NIPAL4: variants seen among roughly 807,000 people sequenced by gnomAD.
NIPAL4 encodes NIPA like domain containing 4.
A neutral mutation model predicts 31.6 loss-of-function variants in NIPAL4; 21 were observed. That is an observed-to-expected ratio of 0.67 (90% CI 0.47 to 0.96). The LOEUF is 0.96. NIPAL4 is among the 40% of genes least tolerant of loss of function. The pLI is 0.00. For synonymous variants in NIPAL4, 175 were observed against 211.1 expected, an observed-to-expected ratio of 0.83 and a Z score of 1.48; for missense variants, 438 against 508.0, an observed-to-expected ratio of 0.86 and a Z score of 1.32.
In NIPAL4 at chr5:157,473,263, T is replaced by TG; in HGVS notation, c.*305dup. On this transcript the variant is annotated 3_prime_UTR_variant, in exon 6 of 6. Transcript: ENST00000311946. ...CATCTCTATGCCGTTGGGAAGAAGA[T>TG]GGAGTCTGACCCACTGAATGTAGCA... 3.3e-6 allele frequency: 1 copy of TG among 306,900 alleles called. No individual in the cohort carries two copies. The allele number at this position is 306,900 out of a possible 1,614,324, so 19.0% of individuals were successfully genotyped here. A position where few individuals can be genotyped will look rare whatever the true frequency, so the allele number is the denominator to read the frequency against.
Position 157,472,397 on chromosome 5 carries a change from C to A in NIPAL4, c.652C>A (p.Arg218Ser). 2 of 1,613,096 alleles carry A rather than the reference C, an allele frequency of 1.2e-6. No homozygotes were observed. The highest frequency in any genetic ancestry group is 1.7e-6 in the Non-Finnish European group (2 of 1,179,392). ...CATCCTCATCTTTGTCATTGCCCCA[C>A]GTTACGGGCAAAGGAATATCCTCAT... ...CLILIFVIAP[R>S]YGQRNILIYI... Residue 218 changes from arginine to serine, a missense_variant, in exon 6 of 6, where the codon CGT (arginine) becomes AGT (serine). Arg to Ser is a moderately radical substitution (Grantham distance 110). Coordinates refer to ENST00000311946, the MANE Select transcript of NIPAL4 (RefSeq NM_001099287.2).
intron 3 of NIPAL4, 133 bp from the exon 4 acceptor site, chr5:157,468,589 G>A: frequency 1.5e-6 from 1 of 663,570 alleles, no homozygotes; most frequent in East Asian, 2.6e-5. Flanking sequence ...TCTCCAGGGA[G>A]AGAGCGTATG....
At chr5:157,462,475 G>A (rs1281677010) in intron 1 of NIPAL4, among the ~76,000 whole-genome samples, 2 of 151,030 alleles carry the variant, frequency 1.3e-5, no homozygotes, top group African/African-American at 4.9e-5. Flanking sequence ...AACATAGCAA[G>A]ACCCCCATCT....
At chr5:157,465,903 G>C (rs1754259551) in intron 2 of NIPAL4, among the ~76,000 whole-genome samples, 1 of 152,264 alleles carries the variant, frequency 6.6e-6, no homozygotes, top group Middle Eastern at 3.4e-3. Flanking sequence ...TGAGGTGGGA[G>C]GATCCCTTGA....
intron 2 of NIPAL4, 88 bp downstream of exon 2, chr5:157,463,421 C>T: frequency 1.4e-6 from 2 of 1,422,754 alleles, no homozygotes; most frequent in South Asian, 2.9e-5. Context: ...ATGGCCTCAG[C>T]AAGGTACAAA....
Position 157,463,107 on chromosome 5 carries a change from C to T in NIPAL4, c.51C>T (p.His17=), listed in dbSNP as rs1189585932. The T allele has an allele frequency of 5.6e-6, 9 of 1,614,004 alleles. No individual in the cohort carries two copies. Among genetic ancestry groups the T allele is most frequent in the Middle Eastern group, 1.6e-4 (1 of 6,062 alleles). The change falls in exon 2 of 6, where the codon CAC becomes CAT. Residue 17 remains histidine (H), a synonymous_variant. Coordinates refer to ENST00000311946, the MANE Select transcript of NIPAL4 (RefSeq NM_001099287.2). ...CTTCCCATCCAGGTTCCCTGCTCCACCTCTACTGCTCCTCCCAAGAAGTCC... is the reference window on the plus strand; with the variant it reads ...CTTCCCATCCAGGTTCCCTGCTCCATCTCTACTGCTCCTCCCAAGAAGTCC... ...NTSCENGSLL[H]LYCSSQEVLC...
intron 4 of NIPAL4, among the ~76,000 whole-genome samples, chr5:157,470,483 T>C (rs1036617111): frequency 2.6e-5 from 4 of 152,226 alleles, no homozygotes; most frequent in African/African-American, 4.8e-5. Context: ...TGCCAAGTCA[T>C]TTTAACTTCT....
chr5:157,467,434 C>A (rs1174671159), intron 3 of NIPAL4: 2 of 305,962 alleles, frequency 6.5e-6, no homozygotes, highest in Non-Finnish European at 1.3e-5. Flanking sequence ...GAAGCTGGAA[C>A]TCCTAGGCCA....
chr5:157,463,281 C>T lies in NIPAL4; in HGVS notation c.225C>T (p.Ile75=). The T allele has an allele frequency of 6.2e-7, 1 of 1,613,854 alleles. No individual in the cohort carries two copies. Among genetic ancestry groups the T allele is most frequent in the Non-Finnish European group, 8.5e-7 (1 of 1,179,764 alleles). The change falls in exon 2 of 6, where the codon ATC becomes ATT. Residue 75 remains isoleucine (I), a synonymous_variant. Transcript: ENST00000311946. Reference sequence around the variant, plus strand: ...GCTTCCTCATCGGCAGCAGCGTCATCCTCAAGAAGAAAGGCCTCTTGCGAC... The same window carrying T: ...GCTTCCTCATCGGCAGCAGCGTCATTCTCAAGAAGAAAGGCCTCTTGCGAC... ...LSSFLIGSSV[I]LKKKGLLRLV...
At chr5:157,468,513 TA>T (rs1754342277) in intron 3 of NIPAL4, among the ~76,000 whole-genome samples, 2 of 152,140 alleles carry the variant, frequency 1.3e-5, no homozygotes, top group East Asian at 3.9e-4. Context: ...CTTGGGGCCT[TA>T]GCTTCACCAT....
Position 157,468,702 on chromosome 5 carries a change from T to C in NIPAL4, c.335-20T>C, listed in dbSNP as rs368548749. Reference sequence around the variant, plus strand: ...GTGCTTCTGCGCCATGCTAGCCTCTTTTCTCCCTTCGTTTCCTAGTGGCTG... The same window carrying C: ...GTGCTTCTGCGCCATGCTAGCCTCTCTTCTCCCTTCGTTTCCTAGTGGCTG... On this transcript the variant is annotated intron_variant, in intron 3 of 5. Transcript: ENST00000311946. The C allele has an allele frequency of 9.9e-6, 15 of 1,522,232 alleles. No homozygotes were observed. In the African/African-American group the frequency reaches 1.8e-4, roughly 18 times the overall value. 94.3% of individuals were successfully genotyped at this position (1,522,232 alleles called of 1,614,324 possible).
intron 1 of NIPAL4, among the ~76,000 whole-genome samples, chr5:157,461,268 G>C (rs571516835): frequency 1.1e-4 from 17 of 152,352 alleles, no homozygotes; most frequent in African/African-American, 4.1e-4. Context: ...TATTCTGGAA[G>C]AGATAACAGG....
At chr5:157,462,841 A>T (rs1754144770) in intron 1 of NIPAL4, among the ~76,000 whole-genome samples, 1 of 152,164 alleles carries the variant, frequency 6.6e-6, no homozygotes, top group African/African-American at 2.4e-5. Context: ...ACTTCTTCTG[A>T]CTGAGGGTCT....
rs1477834381 is a variant in NIPAL4, at chr5:157,474,703, T to TA, written c.*1744dup. ...GGTCTGCAGGGTCAAGAATAAAGAT[T>TA]ACAGATTATATTTACTTGATACTTG... On this transcript the variant is annotated 3_prime_UTR_variant, in exon 6 of 6. Coordinates refer to ENST00000311946, the MANE Select transcript of NIPAL4 (RefSeq NM_001099287.2). 2 of 152,178 alleles carry TA rather than the reference T, an allele frequency of 1.3e-5. No homozygotes were observed. The highest frequency in any genetic ancestry group is 4.8e-5 in the African/African-American group (2 of 41,438). The allele number at this position is 152,178 out of a possible 1,614,324, so 9.4% of individuals were successfully genotyped here. A position where few individuals can be genotyped will look rare whatever the true frequency, so the allele number is the denominator to read the frequency against.
intron 2 of NIPAL4, among the ~76,000 whole-genome samples, chr5:157,465,233 AGG>A (rs1424861299): frequency 6.6e-6 from 1 of 152,218 alleles, no homozygotes; most frequent in East Asian, 1.9e-4. Context: ...CCAGAGTGCC[AGG>A]GAAATTTCTG....
intron 1 of NIPAL4, among the ~76,000 whole-genome samples, chr5:157,462,095 T>C (rs1410209037): frequency 6.6e-6 from 1 of 152,176 alleles, no homozygotes; most frequent in African/African-American, 2.4e-5. Context: ...GACACACAGC[T>C]TGAAAAAGGC....
chr5:157,468,204 C>T (rs952673593), intron 3 of NIPAL4, among the ~76,000 whole-genome samples: 4 of 151,776 alleles, frequency 2.6e-5, no homozygotes, highest in Non-Finnish European at 5.9e-5. Context: ...TGTGAGGCAA[C>T]GCGCCCAGCC....
intron 1 of NIPAL4, 146 bp from the exon 2 acceptor site, chr5:157,462,948 A>G: frequency 2.1e-6 from 2 of 959,560 alleles, no homozygotes; most frequent in South Asian, 3.9e-5. Flanking sequence ...CTCACTGAAC[A>G]TAATTATTTT....
At chr5:157,466,619 G>C (rs967332435) in intron 2 of NIPAL4, among the ~76,000 whole-genome samples, 7 of 152,178 alleles carry the variant, frequency 4.6e-5, no homozygotes. Context: ...GAGTTATCAG[G>C]ATGGACTGGA....
Sources: allele counts gnomAD v4.1 joint callset (sites outside exome capture counted in the v4.1 genomes callset), GRCh38; gene constraint gnomAD v4.1.1; transcripts MANE v1.5; gene names NCBI Gene and HGNC (gene_info 2026-07-23, HGNC 2026-07-21).